Variants in CDH4 observed in about 807,000 individuals in gnomAD.
The protein encoded by CDH4 is cadherin 4.
CDH4 carries 33 observed loss-of-function variants against 86.0 expected under a neutral mutation model. That is an observed-to-expected ratio of 0.38 (90% CI 0.29 to 0.51). CDH4 has a LOEUF of 0.51. Ranked by LOEUF, CDH4 falls within the 20% of genes least tolerant of loss-of-function variation. The pLI, the probability that CDH4 is intolerant of heterozygous loss-of-function variation, is 0.86. For synonymous variants in CDH4, 555 were observed against 549.4 expected (o/e 1.01, Z -0.14); for missense variants, 1,114 against 1,307.4 (o/e 0.85, Z 2.28).
chr20:61,358,458 C>T lies in CDH4; in HGVS notation c.169+103521C>T, dbSNP rs531188504. Among the ~76,000 whole-genome samples the T allele has an allele frequency of 7.9e-5, 12 of 152,326 alleles. No homozygotes were observed. In the South Asian group the frequency reaches 1.9e-3, roughly 24 times the overall value. The stretch of plus-strand genomic sequence containing the variant: ...AGTAGAGGGCCTGGGGCAGAGCGAA[C>T]ATTTCATAAATATTGGTTGAATGAA... On this transcript the variant is annotated intron_variant, in intron 2 of 15. Coordinates refer to ENST00000614565, the MANE Select transcript of CDH4 (RefSeq NM_001794.5).
intron 3 of CDH4, among the ~76,000 whole-genome samples, chr20:61,752,450 A>T (rs1390765988): frequency 6.6e-6 from 1 of 152,218 alleles, no homozygotes; most frequent in East Asian, 1.9e-4. Flanking sequence ...ATGGGAGTGT[A>T]CAATGGTACA....
At chr20:61,426,886 C>T (rs1370389475) in intron 2 of CDH4, among the ~76,000 whole-genome samples, 3 of 152,200 alleles carry the variant, frequency 2.0e-5, no homozygotes, top group Non-Finnish European at 4.4e-5. Context: ...AAAATCTTGG[C>T]TTATGGCCTA....
chr20:61,565,080 G>GTGGTGGTGCTCTTGGTGGTGCTCT (rs761625886), intron 2 of CDH4, among the ~76,000 whole-genome samples: 12 of 125,674 alleles, frequency 9.5e-5, no homozygotes, highest in East Asian at 6.5e-4. Context: ...GGTGGTGGTG[G>GTGGTGGTGCTCTTGGTGGTGCTCT]TGGTGGTGCT....
intron 8 of CDH4, among the ~76,000 whole-genome samples, chr20:61,897,190 G>A (rs555940614): frequency 7.7e-4 from 117 of 152,288 alleles, no homozygotes; most frequent in African/African-American, 2.8e-3. Context: ...TGAGACGTTG[G>A]GGGGCAGAAG....
chr20:61,571,805 C>A (rs1426775005), intron 2 of CDH4, among the ~76,000 whole-genome samples: 1 of 150,720 alleles, frequency 6.6e-6, no homozygotes, highest in Non-Finnish European at 1.5e-5. Context: ...TCCCTGCCCC[C>A]AGATCCTCAG....
At chr20:61,343,352 G>T (rs2084658780) in intron 2 of CDH4, among the ~76,000 whole-genome samples, 2 of 152,232 alleles carry the variant, frequency 1.3e-5, no homozygotes. Flanking sequence ...TTTTCATTCA[G>T]ATTATATCAA....
chr20:61,906,750 C>G (rs2054793387), intron 8 of CDH4, among the ~76,000 whole-genome samples: 1 of 151,756 alleles, frequency 6.6e-6, no homozygotes, highest in African/African-American at 2.4e-5. Context: ...TGCTGTGGGC[C>G]CTGGCAGGCT....
chr20:61,746,568 C>A (rs112629571), intron 3 of CDH4, among the ~76,000 whole-genome samples: 1,661 of 152,282 alleles, frequency 0.011, 35 homozygotes, highest in African/African-American at 0.038. Flanking sequence ...TATGGCAGAG[C>A]CCGGCATGGC....
intron 2 of CDH4, among the ~76,000 whole-genome samples, chr20:61,435,250 A>G (rs79592255): frequency 0.012 from 1,849 of 152,320 alleles, 22 homozygotes; most frequent in Middle Eastern, 0.02. Context: ...AGGAGTTTGC[A>G]TGCCATTACT....
At chr20:61,505,751 G>A (rs2085735892) in intron 2 of CDH4, among the ~76,000 whole-genome samples, 1 of 151,542 alleles carries the variant, frequency 6.6e-6, no homozygotes, top group Non-Finnish European at 1.5e-5. Context: ...GCACATGAGA[G>A]TCTTCACTCC....
chr20:61,694,617 G>T (rs768597782), intron 2 of CDH4, among the ~76,000 whole-genome samples: 6 of 152,188 alleles, frequency 3.9e-5, no homozygotes, highest in Admixed American at 6.5e-5. Flanking sequence ...GCTGAACTGG[G>T]GTTCTGGGAT....
Position 61,441,190 on chromosome 20 carries a change from G to C in CDH4, c.169+186253G>C, listed in dbSNP as rs748327080. 5.8e-4 allele frequency among the ~76,000 whole-genome samples: 88 copies of C among 152,214 alleles called. 3 individuals carry two copies. Among genetic ancestry groups the C allele is most frequent in the Non-Finnish European group, 2.4e-4 (16 of 68,044 alleles). The stretch of plus-strand genomic sequence containing the variant: ...CACAGCGTCCAACACCGGCCCTGCT[G>C]TCATCCATCCATGGCAGGAGCCAAA... On this transcript the variant is annotated intron_variant, in intron 2 of 15. Coordinates refer to ENST00000614565, the MANE Select transcript of CDH4 (RefSeq NM_001794.5).
At chr20:61,868,073 T>C (rs190176302) in intron 6 of CDH4, among the ~76,000 whole-genome samples, 33 of 152,332 alleles carry the variant, frequency 2.2e-4, no homozygotes, top group African/African-American at 7.0e-4. Flanking sequence ...AATATCCGAT[T>C]AGTGCTTGGT....
At position 61,714,353 on chromosome 20, in the gene CDH4, C is replaced by T. The variant is rs1404962984; in HGVS notation, c.170-29210C>T. Among the ~76,000 whole-genome samples, 7 of 152,232 alleles carry T rather than the reference C, an allele frequency of 4.6e-5. No homozygotes were observed. The South Asian group carries it at 1.5e-3, about 32-fold the overall frequency. Reference sequence around the variant, plus strand: ...GAGCCACCACGCCGAGAACCATTGTCTATTCTTTAACAGAACACCTGGGAC... The same window carrying T: ...GAGCCACCACGCCGAGAACCATTGTTTATTCTTTAACAGAACACCTGGGAC... On this transcript the variant is annotated intron_variant, in intron 2 of 15. Transcript: ENST00000614565.
rs1451157855 is a variant in CDH4 at position 61,417,979 on chromosome 20, G to A, written c.169+163042G>A. On this transcript the variant is annotated intron_variant, in intron 2 of 15. Transcript: ENST00000614565. The surrounding 1 kb of genome is among the most constrained non-coding windows in gnomAD (Gnocchi z 4.0). Reference sequence around the variant, plus strand: ...TCTGTTTTAGGGGGATGCTGCATTCGAGGCACAGAGAAGCCACCTGCTTCC... The same window carrying A: ...TCTGTTTTAGGGGGATGCTGCATTCAAGGCACAGAGAAGCCACCTGCTTCC... Among the ~76,000 whole-genome samples the A allele has an allele frequency of 1.3e-5, 2 of 151,966 alleles. No individual in the cohort carries two copies. The highest frequency in any genetic ancestry group is 2.4e-5 in the African/African-American group (1 of 41,380).
chr20:61,532,529 C>T (rs932551565), intron 2 of CDH4, among the ~76,000 whole-genome samples: 2 of 152,164 alleles, frequency 1.3e-5, no homozygotes, highest in Non-Finnish European at 2.9e-5. Flanking sequence ...ACAACAAGTG[C>T]ACACAACAGA....
chr20:61,812,999 C>T (rs1419680185), intron 4 of CDH4, among the ~76,000 whole-genome samples: 1 of 152,210 alleles, frequency 6.6e-6, no homozygotes, highest in Non-Finnish European at 1.5e-5. Flanking sequence ...CCTGCCGAGG[C>T]TCTCCGGGCC....
intron 6 of CDH4, among the ~76,000 whole-genome samples, chr20:61,862,783 G>A (rs1003989456): frequency 5.3e-5 from 8 of 152,148 alleles, no homozygotes; most frequent in Admixed American, 2.6e-4. Flanking sequence ...CTAACCCCTC[G>A]TAACTGTGTG....
chr20:61,630,514 C>T (rs186746230), intron 2 of CDH4, among the ~76,000 whole-genome samples: 41 of 152,304 alleles, frequency 2.7e-4, no homozygotes, highest in Admixed American at 1.7e-3. Flanking sequence ...GGGAAGGGCA[C>T]GGCCACACCT....
Sources: allele counts gnomAD v4.1 joint callset (sites outside exome capture counted in the v4.1 genomes callset), GRCh38; gene constraint gnomAD v4.1.1; non-coding constraint Gnocchi (gnomAD v3.1); transcripts MANE v1.5; gene names NCBI Gene and HGNC (gene_info 2026-07-23, HGNC 2026-07-21).